TRAPPC9: variants seen among roughly 807,000 people sequenced by gnomAD.
TRAPPC9 encodes the protein IKK2 binding protein.
Under a neutral mutation model 124.0 loss-of-function variants are expected in TRAPPC9, and 83 were observed. The ratio of observed to expected loss-of-function variants is 0.67; its 90% CI spans 0.56 to 0.80. The LOEUF is 0.80. Among genes scored for constraint, TRAPPC9 ranks in the 30% least tolerant of loss-of-function variants. The probability of loss-of-function intolerance (pLI) is 0.00; values close to 1 mark genes in which losing one functional copy is unlikely to be tolerated. For synonymous variants in TRAPPC9, 638 were observed against 617.5 expected (o/e 1.03, Z -0.49); for missense variants, 1,302 against 1,508.3 (o/e 0.86, Z 2.27).
At chr8:140,186,091 T>C (rs941546900) in intron 17 of TRAPPC9, among the ~76,000 whole-genome samples, 1 of 152,212 alleles carries the variant, frequency 6.6e-6, no homozygotes, top group Admixed American at 6.5e-5. Context: ...ATGCAAAAGA[T>C]AATAAAGCCC....
In TRAPPC9 at chr8:139,742,466, G is replaced by A. The variant is rs539579379; in HGVS notation, c.3056-10264C>T. On this transcript the variant is annotated intron_variant, in intron 21 of 22. Transcript: ENST00000438773. This position sits in a 1 kb window ranked among gnomAD's most constrained non-coding sequence, Gnocchi z 4.7. The stretch of plus-strand genomic sequence containing the variant: ...TCTCACATTTTGGAGCCTGGGGCCA[G>A]ACAGCAGGCCAGGGCTGAAGCTGGA... Among the ~76,000 whole-genome samples, 1 of 152,360 alleles carries A rather than the reference G, an allele frequency of 6.6e-6. No homozygotes were observed. The highest frequency in any genetic ancestry group is 1.9e-4 in the East Asian group (1 of 5,192).
In TRAPPC9 at chr8:140,156,920, G is replaced by A. The variant is rs567061144; in HGVS notation, c.2556+64539C>T. Among the ~76,000 whole-genome samples the A allele has an allele frequency of 1.4e-4, 21 of 151,520 alleles. 1 individual carries two copies. The South Asian group carries it at 3.8e-3, about 27-fold the overall frequency. On this transcript the variant is annotated intron_variant, in intron 17 of 22. Transcript: ENST00000438773. ...TGAGCAGAAAGCTATTGTGCTGCAGGAAACATTGGAAAAGCCTCCCTTTCC... is the reference window on the plus strand; with the variant it reads ...TGAGCAGAAAGCTATTGTGCTGCAGAAAACATTGGAAAAGCCTCCCTTTCC...
At chr8:139,890,649 T>A (rs550244498) in intron 20 of TRAPPC9, among the ~76,000 whole-genome samples, 74 of 152,146 alleles carry the variant, frequency 4.9e-4, no homozygotes, top group Admixed American at 1.2e-3. Flanking sequence ...CTTGTCTCCC[T>A]CAGGGACTGA....
intron 11 of TRAPPC9, among the ~76,000 whole-genome samples, chr8:140,294,977 G>A (rs370712469): frequency 1.2e-4 from 19 of 152,262 alleles, no homozygotes; most frequent in African/African-American, 3.1e-4. Flanking sequence ...CAAAGCACAC[G>A]GTGGTGGCCC....
chr8:140,103,897 T>A (rs1387330937), intron 17 of TRAPPC9, among the ~76,000 whole-genome samples: 2 of 152,134 alleles, frequency 1.3e-5, no homozygotes, highest in Non-Finnish European at 2.9e-5. Context: ...TTTCCATCAC[T>A]CCACCCTCCC....
chr8:139,979,644 A>T (rs531468635), intron 19 of TRAPPC9, among the ~76,000 whole-genome samples: 1 of 152,240 alleles, frequency 6.6e-6, no homozygotes, highest in South Asian at 2.1e-4. Flanking sequence ...ACGAACCTCT[A>T]GTACAGCAAG....
chr8:140,185,624 G>A (rs1254463968), intron 17 of TRAPPC9, among the ~76,000 whole-genome samples: 2 of 152,166 alleles, frequency 1.3e-5, no homozygotes, highest in African/African-American at 4.8e-5. Flanking sequence ...TGCCCACCCT[G>A]TACATGTCAT....
intron 9 of TRAPPC9, among the ~76,000 whole-genome samples, chr8:140,323,859 T>A (rs2066664741): frequency 6.6e-6 from 1 of 151,970 alleles, no homozygotes; most frequent in African/African-American, 2.4e-5. Flanking sequence ...CTATATATAC[T>A]TTATACTCTC....
At chr8:139,988,142 T>C (rs1205312054) in intron 19 of TRAPPC9, among the ~76,000 whole-genome samples, 1 of 140,760 alleles carries the variant, frequency 7.1e-6, no homozygotes, top group Non-Finnish European at 1.5e-5. Flanking sequence ...GGAGTCTCGC[T>C]CTGTCGCCCA....
intron 19 of TRAPPC9, among the ~76,000 whole-genome samples, chr8:139,980,903 CAA>C (rs779789157): frequency 3.9e-5 from 6 of 152,246 alleles, no homozygotes; most frequent in Admixed American, 6.5e-5. Flanking sequence ...ACAACAGAGG[CAA>C]AGACCCAGAA....
chr8:139,920,290 G>A (rs1832428991), intron 19 of TRAPPC9, among the ~76,000 whole-genome samples: 2 of 152,228 alleles, frequency 1.3e-5, no homozygotes, highest in Non-Finnish European at 2.9e-5. Flanking sequence ...AGGTTGCAGT[G>A]AGCCGAGATC....
At chr8:140,346,210 G>C (rs1350340663) in intron 9 of TRAPPC9, among the ~76,000 whole-genome samples, 1 of 152,204 alleles carries the variant, frequency 6.6e-6, no homozygotes, top group Non-Finnish European at 1.5e-5. Context: ...GGGAGGGTGA[G>C]GGTGTGGGAA....
intron 16 of TRAPPC9, among the ~76,000 whole-genome samples, chr8:140,251,450 T>A (rs2064130913): frequency 6.6e-6 from 1 of 152,262 alleles, no homozygotes; most frequent in South Asian, 2.1e-4. Context: ...CATTTTCTAA[T>A]GTATCCAACC....
chr8:140,297,357 C>T (rs2065836482), intron 11 of TRAPPC9, among the ~76,000 whole-genome samples: 1 of 151,990 alleles, frequency 6.6e-6, no homozygotes, highest in South Asian at 2.1e-4. Flanking sequence ...TAGACACACA[C>T]ACATACACGC....
At chr8:140,043,422 A>G (rs1841386478) in intron 17 of TRAPPC9, among the ~76,000 whole-genome samples, 1 of 152,198 alleles carries the variant, frequency 6.6e-6, no homozygotes, top group South Asian at 2.1e-4. Flanking sequence ...AGCATGAAGT[A>G]ACATGTCCCA....
rs1429232092 is a variant in TRAPPC9, at chr8:140,252,375, A to C, written c.2431+402T>G. ...CAGTCCTAATGTTACAACAAATATA[A>C]ATTTCCATTTCTTCCACACTCCACC... On this transcript the variant is annotated intron_variant, in intron 16 of 22. Coordinates refer to ENST00000438773, the MANE Select transcript of TRAPPC9 (RefSeq NM_001160372.4). This position sits in a 1 kb window ranked among gnomAD's most constrained non-coding sequence, Gnocchi z 4.2. Among the ~76,000 whole-genome samples, 1 of 152,128 alleles carries C rather than the reference A, an allele frequency of 6.6e-6. No homozygotes were observed. Among genetic ancestry groups the C allele is most frequent in the East Asian group, 1.9e-4 (1 of 5,186 alleles).
At chr8:140,242,355 G>A (rs1177066763) in intron 16 of TRAPPC9, among the ~76,000 whole-genome samples, 1 of 152,222 alleles carries the variant, frequency 6.6e-6, no homozygotes, top group Non-Finnish European at 1.5e-5. Flanking sequence ...CAAAGAGGGA[G>A]AGAAGATGGA....
chr8:139,838,253 C>A (rs10101226), intron 21 of TRAPPC9, among the ~76,000 whole-genome samples: 1 of 152,122 alleles, frequency 6.6e-6, no homozygotes, highest in African/African-American at 2.4e-5. Flanking sequence ...CCCCTGCCCC[C>A]TGTGCTGGGC....
At chr8:139,733,764 C>A (rs1817985879) in intron 21 of TRAPPC9, among the ~76,000 whole-genome samples, 1 of 152,254 alleles carries the variant, frequency 6.6e-6, no homozygotes, top group Non-Finnish European at 1.5e-5. Context: ...GGTGCCAGCA[C>A]CCTGCAGCGG....
Sources: allele counts gnomAD v4.1 joint callset (sites outside exome capture counted in the v4.1 genomes callset), GRCh38; gene constraint gnomAD v4.1.1; non-coding constraint Gnocchi (gnomAD v3.1); transcripts MANE v1.5; gene names NCBI Gene and HGNC (gene_info 2026-07-23, HGNC 2026-07-21).